The following DOCK3 variants were observed in gnomAD, a reference collection of about 807,000 sequenced individuals.
DOCK3 encodes the protein dedicator of cytokinesis 3.
DOCK3 carries 60 observed loss-of-function variants against 265.6 expected under a neutral mutation model. That is an observed-to-expected ratio of 0.23 (90% confidence interval 0.18 to 0.28). The LOEUF is 0.28. Ranked by LOEUF, DOCK3 falls within the 10% of genes least tolerant of loss-of-function variation. DOCK3 has a pLI of 1.00. For synonymous variants in DOCK3, 881 were observed against 938.0 expected, an observed-to-expected ratio of 0.94 and a Z score of 1.11; for missense variants, 1,981 against 2,594.3, an observed-to-expected ratio of 0.76 and a Z score of 5.14.
intron 5 of DOCK3, among the ~76,000 whole-genome samples, chr3:50,979,935 T>G (rs2077628767): frequency 2.0e-5 from 3 of 152,228 alleles, no homozygotes; most frequent in Admixed American, 2.0e-4. Context: ...TCCCGACTTG[T>G]ATGCCTTTTC....
rs1283237126 is a variant in DOCK3 at position 51,236,640 on chromosome 3, CT to C, written c.2001+215del. On this transcript the variant is annotated intron_variant, in intron 20 of 52. Coordinates refer to ENST00000266037, the MANE Select transcript of DOCK3 (RefSeq NM_004947.5). ...CAACACAATCAAGTCCAGACCTTGA[CT>C]TTATAGTTTCTGGATCTTCCATCTC... Among the ~76,000 whole-genome samples the C allele has an allele frequency of 5.3e-5, 8 of 152,138 alleles. No individual in the cohort carries two copies. In the South Asian group the frequency reaches 6.2e-4, roughly 12 times the overall value.
chr3:50,941,852 A>G (rs1255287186), intron 5 of DOCK3, among the ~76,000 whole-genome samples: 1 of 152,104 alleles, frequency 6.6e-6, no homozygotes, highest in Non-Finnish European at 1.5e-5. Context: ...CATAGTGACA[A>G]AATTATAGCA....
At chr3:50,887,676 C>T (rs1473924212) in intron 3 of DOCK3, among the ~76,000 whole-genome samples, 4 of 113,486 alleles carry the variant, frequency 3.5e-5, no homozygotes, top group East Asian at 4.7e-4. Context: ...ATGATCAAGT[C>T]GGCTTCATCC....
At chr3:51,153,042 A>G (rs1254939939) in intron 10 of DOCK3, among the ~76,000 whole-genome samples, 1 of 152,212 alleles carries the variant, frequency 6.6e-6, no homozygotes, top group Non-Finnish European at 1.5e-5. Context: ...GTGCTGTCAG[A>G]CAGGGACGTT....
chr3:51,260,781 A>C (rs1467464135), intron 23 of DOCK3, among the ~76,000 whole-genome samples: 1 of 152,160 alleles, frequency 6.6e-6, no homozygotes, highest in African/African-American at 2.4e-5. Flanking sequence ...CAGGAGTTCA[A>C]GACCAGCCTG....
chr3:51,085,437 C>T (rs1158589343), intron 7 of DOCK3, among the ~76,000 whole-genome samples: 3 of 152,108 alleles, frequency 2.0e-5, no homozygotes, highest in Non-Finnish European at 2.9e-5. Flanking sequence ...CAAGTCTCAA[C>T]AAATTTTGAA....
At chr3:51,257,775 C>T (rs902846002) in intron 22 of DOCK3, among the ~76,000 whole-genome samples, 1 of 152,226 alleles carries the variant, frequency 6.6e-6, no homozygotes, top group Non-Finnish European at 1.5e-5. Context: ...TGTCTCTACA[C>T]AGTATTAGGA....
At chr3:50,911,305 T>G (rs574714705) in intron 4 of DOCK3, among the ~76,000 whole-genome samples, 2 of 152,108 alleles carry the variant, frequency 1.3e-5, no homozygotes, top group Non-Finnish European at 2.9e-5. Flanking sequence ...TACATTTAAG[T>G]CTTTAATCCA....
chr3:50,939,248 G>A (rs1380154307), intron 5 of DOCK3, among the ~76,000 whole-genome samples: 4 of 152,006 alleles, frequency 2.6e-5, no homozygotes, highest in African/African-American at 9.7e-5. Context: ...TGAAAATCCT[G>A]CAACTGTTAA....
At chr3:50,908,053 G>T (rs574195948) in intron 4 of DOCK3, among the ~76,000 whole-genome samples, 3 of 151,944 alleles carry the variant, frequency 2.0e-5, no homozygotes, top group Non-Finnish European at 2.9e-5. Context: ...ATTTCTGTGC[G>T]ATCAGCAGTG....
chr3:51,262,919 G>A (rs540184272), intron 23 of DOCK3, among the ~76,000 whole-genome samples: 2 of 152,338 alleles, frequency 1.3e-5, no homozygotes, highest in Non-Finnish European at 2.9e-5. Flanking sequence ...ATGGGACTAT[G>A]TGAAAAGACC....
intron 23 of DOCK3, among the ~76,000 whole-genome samples, chr3:51,269,137 C>CTCTCTA (rs1553823421): frequency 7.1e-6 from 1 of 141,592 alleles, no homozygotes; most frequent in African/African-American, 2.6e-5. Flanking sequence ...CTCTCTCTCT[C>CTCTCTA]TATATATATA....
intron 4 of DOCK3, among the ~76,000 whole-genome samples, chr3:50,897,530 T>C (rs1019702586): frequency 6.6e-5 from 10 of 152,178 alleles, no homozygotes; most frequent in African/African-American, 2.2e-4. Context: ...TAAATAGGCA[T>C]GGTGAGAGAG....
chr3:50,746,109 ATTT>A (rs562706919), intron 1 of DOCK3, among the ~76,000 whole-genome samples: 1 of 135,456 alleles, frequency 7.4e-6, no homozygotes, highest in Non-Finnish European at 1.6e-5. Context: ...ATGATGTCTA[ATTT>A]TTTTTTTTTT....
In DOCK3 at chr3:50,674,961, CGGGAGCCGGGCGGCGGAGCT is replaced by C. The variant is rs1559500293; in HGVS notation, c.-301_-282del. 6.7e-6 allele frequency: 1 copy of C among 148,764 alleles called. No individual in the cohort carries two copies. The highest frequency in any genetic ancestry group is 2.4e-5 in the African/African-American group (1 of 41,016). The allele number at this position is 148,764 out of a possible 1,614,324, so 9.2% of individuals were successfully genotyped here. On this transcript the variant is annotated 5_prime_UTR_variant, in exon 1 of 53. Coordinates refer to ENST00000266037, the MANE Select transcript of DOCK3 (RefSeq NM_004947.5). This position sits in a 1 kb window ranked among gnomAD's most constrained non-coding sequence, Gnocchi z 4.3. ...GGGGCGAGCCGAGCCGCGGCGGCGC[CGGGAGCCGGGCGGCGGAGCT>C]GTGAAGAAGCAAGCGGCGGCACGGG...
At chr3:51,115,253 T>C (rs2083684770) in intron 9 of DOCK3, among the ~76,000 whole-genome samples, 1 of 152,130 alleles carries the variant, frequency 6.6e-6, no homozygotes, top group Non-Finnish European at 1.5e-5. Context: ...TACTTTACAC[T>C]CCCACCAACA....
Position 51,079,939 on chromosome 3 carries a change from G to T in DOCK3, c.549+4499G>T, listed in dbSNP as rs531416385. Among the ~76,000 whole-genome samples, 13 of 152,240 alleles carry T rather than the reference G, an allele frequency of 8.5e-5. No homozygotes were observed. In the South Asian group the frequency reaches 2.7e-3, roughly 32 times the overall value. On this transcript the variant is annotated intron_variant, in intron 7 of 52. Coordinates refer to ENST00000266037, the MANE Select transcript of DOCK3 (RefSeq NM_004947.5). Reference sequence around the variant, plus strand: ...CATTATTATCCATCCACATTATCATGTATTGGGATTTGTGTTTGCCTGTTG... The same window carrying T: ...CATTATTATCCATCCACATTATCATTTATTGGGATTTGTGTTTGCCTGTTG...
At chr3:51,339,327 T>G (rs927924441) in intron 37 of DOCK3, among the ~76,000 whole-genome samples, 6 of 152,204 alleles carry the variant, frequency 3.9e-5, no homozygotes, top group African/African-American at 1.4e-4. Context: ...CAAATTCTGG[T>G]GCACCAGGTT....
intron 3 of DOCK3, among the ~76,000 whole-genome samples, chr3:50,861,361 T>A (rs2046901385): frequency 6.6e-6 from 1 of 152,222 alleles, no homozygotes; most frequent in Non-Finnish European, 1.5e-5. Flanking sequence ...CAATGGTCAA[T>A]TTTTAAGAAT....
Sources: allele counts gnomAD v4.1 joint callset (sites outside exome capture counted in the v4.1 genomes callset), GRCh38; gene constraint gnomAD v4.1.1; non-coding constraint Gnocchi (gnomAD v3.1); transcripts MANE v1.5; gene names NCBI Gene and HGNC (gene_info 2026-07-23, HGNC 2026-07-21).